Variants in MOV10 observed in about 807,000 individuals in gnomAD.
MOV10 encodes RNA helicase MOV-10.
A neutral mutation model predicts 108.4 loss-of-function variants in MOV10; 39 were observed. The observed-to-expected ratio is 0.36, with a 90% CI of 0.28 to 0.47. The LOEUF is 0.47. MOV10 is among the 20% of genes least tolerant of loss of function. The probability of loss-of-function intolerance (pLI) is 1.00; values close to 1 mark genes in which losing one functional copy is unlikely to be tolerated. For missense variants in MOV10, 952 were observed against 1,297.6 expected (o/e 0.73, Z 4.09); for synonymous variants, 490 against 523.1 (o/e 0.94, Z 0.86).
intron 2 of MOV10, among the ~76,000 whole-genome samples, chr1:112,683,530 G>T (rs1364447222): frequency 6.6e-6 from 1 of 152,018 alleles, no homozygotes; most frequent in South Asian, 2.1e-4. Flanking sequence ...GTAGAAACAG[G>T]GTCTTGCTAT....
rs1207023405 is a variant in MOV10, at chr1:112,696,882, A to G, written c.2198+36A>G. 4.0e-6 allele frequency: 6 copies of G among 1,509,924 alleles called. No homozygotes were observed. The Admixed American group carries it at 1.2e-4, about 29-fold the overall frequency. 93.5% of individuals were successfully genotyped at this position (1,509,924 alleles called of 1,614,324 possible). ...GCCCTTGCCTCCCCTGCCATATCCT[A>G]TGCTTTCACATCCTGCATGCAGACC... On this transcript the variant is annotated intron_variant, in intron 14 of 20. Transcript: ENST00000369645.
rs376170423 is a variant in MOV10 at position 112,699,914 on chromosome 1, C to T, written c.2730C>T (p.Thr910=). The T allele has an allele frequency of 5.0e-6, 8 of 1,614,076 alleles. No homozygotes were observed. The highest frequency in any genetic ancestry group is 6.8e-6 in the Non-Finnish European group (8 of 1,180,042). Residue 910 remains threonine, a synonymous_variant, in exon 19 of 21, where the codon ACC becomes ACT. Coordinates refer to ENST00000369645, the MANE Select transcript of MOV10 (RefSeq NM_001321324.2). ...KNPKRFNVAV[T]RAKALLIIVG... ...TCCAGAGGTTCAATGTAGCTGTGAC[C>T]CGGGCCAAGGCCCTGCTCATCATCG... is the stretch of plus-strand genomic sequence containing the variant.
At chr1:112,687,000 T>C (rs1345033007) in intron 2 of MOV10, 1 of 456,504 alleles carries the variant, frequency 2.2e-6, no homozygotes, top group South Asian at 1.5e-5. Context: ...CCAATCCTGA[T>C]GCCAGAGTGA....
chr1:112,689,519 A>G lies in MOV10; in HGVS notation c.446A>G (p.Glu149Gly), dbSNP rs1673382185. 6.2e-7 allele frequency: 1 copy of G among 1,614,006 alleles called. No homozygotes were observed. Among genetic ancestry groups the G allele is most frequent in the Non-Finnish European group, 8.5e-7 (1 of 1,180,028 alleles). The change falls in exon 4 of 21, where the codon GAG becomes GGG. Residue 149 changes from glutamate to glycine, a missense_variant. Around this residue, in one of 5 missense-constraint regions of MOV10, gnomAD observed 374 missense variants for 468.6 expected, o/e 0.80. Transcript: ENST00000369645. ...ATCCGCCTGGATTTGAACCGCAAAG[A>G]GGTGCTGACCCTGAGGCTTCGGAAT... ...LLIRLDLNRKEVLTLRLRNGG... is the reference protein window; with the variant it reads ...LLIRLDLNRKGVLTLRLRNGG...
intron 3 of MOV10, 25 bp from the exon 4 acceptor site, chr1:112,689,390 C>G (rs771037157): frequency 1.5e-6 from 2 of 1,341,452 alleles, no homozygotes; most frequent in Non-Finnish European, 2.1e-6. Context: ...CACCCCAACC[C>G]CCCCTTGACT....
At chr1:112,695,082 A>G (rs1673945433) in intron 10 of MOV10, among the ~76,000 whole-genome samples, 186 bp downstream of exon 10, 1 of 152,130 alleles carries the variant, frequency 6.6e-6, no homozygotes, top group African/African-American at 2.4e-5. Context: ...AGACTAGCCC[A>G]AGGAGTTCAA....
At chr1:112,696,123 C>G in intron 11 of MOV10, 25 bp from the exon 12 acceptor site, 1 of 1,525,404 alleles carries the variant, frequency 6.6e-7, no homozygotes, top group South Asian at 1.1e-5. Context: ...CAAGCTGATT[C>G]CTCTGGTCCC....
intron 2 of MOV10, chr1:112,688,578 T>C (rs1251260444): frequency 8.6e-7 from 1 of 1,165,382 alleles, no homozygotes; most frequent in East Asian, 5.2e-5. Flanking sequence ...TTGTATTTTC[T>C]TTTCTGTCCC....
At chr1:112,686,648 G>GGAATCTCAAACGCATCATATCC (rs1673101303) in intron 2 of MOV10, among the ~76,000 whole-genome samples, 1 of 152,120 alleles carries the variant, frequency 6.6e-6, no homozygotes, top group Non-Finnish European at 1.5e-5. Flanking sequence ...CTGGACCACA[G>GGAATCTCAAACGCATCATATCC]GAATCTCAAA....
At position 112,675,563 on chromosome 1, in the gene MOV10, A is replaced by T. The variant is rs765832834; in HGVS notation, c.137+514A>T. Among the ~76,000 whole-genome samples the T allele has an allele frequency of 1.4e-4, 22 of 152,226 alleles. No individual in the cohort carries two copies. The highest frequency in any genetic ancestry group is 2.8e-4 in the Non-Finnish European group (19 of 68,030). ...GAGAACTGAAGAGGCCCAGGGTAGA[A>T]GGGAGAAGCTCAGGAAGCTCTGGAA... On this transcript the variant is annotated intron_variant, in intron 2 of 20. Coordinates refer to ENST00000369645, the MANE Select transcript of MOV10 (RefSeq NM_001321324.2). The surrounding 1 kb of genome is among the most constrained non-coding windows in gnomAD (Gnocchi z 4.7).
At position 112,700,002 on chromosome 1, in the gene MOV10, T is replaced by C. The variant is rs1286501549; in HGVS notation, c.2798+20T>C. 1.9e-6 allele frequency: 3 copies of C among 1,613,654 alleles called. No homozygotes were observed. Among genetic ancestry groups the C allele is most frequent in the Non-Finnish European group, 2.5e-6 (3 of 1,179,782 alleles). On this transcript the variant is annotated intron_variant, in intron 19 of 20. Coordinates refer to ENST00000369645, the MANE Select transcript of MOV10 (RefSeq NM_001321324.2). ...GAAAGTGTGAGCATTCCCACCCCAT[T>C]CTCCCTCTTAGTGGCCACAGCCCCT...
At chr1:112,684,982 T>G (rs1672958679) in intron 2 of MOV10, 1 of 152,112 alleles carries the variant, frequency 6.6e-6, no homozygotes, top group Non-Finnish European at 1.5e-5. Flanking sequence ...TATATTACCT[T>G]TTGCTAGAGA....
At chr1:112,678,414 A>T (rs1270753845) in intron 2 of MOV10, among the ~76,000 whole-genome samples, 1 of 152,136 alleles carries the variant, frequency 6.6e-6, no homozygotes, top group Non-Finnish European at 1.5e-5. Flanking sequence ...CTAGAAATAT[A>T]CAAAAGGAAC....
rs770301887 is a variant in MOV10 at position 112,700,544 on chromosome 1, T to A, written c.*37T>A. On this transcript the variant is annotated 3_prime_UTR_variant, in exon 21 of 21. Transcript: ENST00000369645. Reference sequence around the variant, plus strand: ...CCAGCCTTCTCGCACCAGCCAAGCCTTAACTGCCTGCCTGACCCTGAACCA... The same window carrying A: ...CCAGCCTTCTCGCACCAGCCAAGCCATAACTGCCTGCCTGACCCTGAACCA... 6.2e-7 allele frequency: 1 copy of A among 1,608,772 alleles called. No homozygotes were observed. Among genetic ancestry groups the A allele is most frequent in the Non-Finnish European group, 8.5e-7 (1 of 1,177,230 alleles).
chr1:112,699,493 A>G (rs1352217588), intron 17 of MOV10, 192 bp from the exon 18 acceptor site: 11 of 1,434,258 alleles, frequency 7.7e-6, no homozygotes, highest in South Asian at 1.5e-5. Context: ...GCAGGATTCA[A>G]CCTTCATGTT....
chr1:112,697,184 A>C (rs975885455), intron 14 of MOV10, among the ~76,000 whole-genome samples: 3 of 152,166 alleles, frequency 2.0e-5, no homozygotes, highest in African/African-American at 7.2e-5. Flanking sequence ...GGTCGGGCAC[A>C]GTGGCTCATG....
rs1205013667 is a variant in MOV10 at position 112,693,778 on chromosome 1, A to AG, written c.1141-238dup. The AG allele has an allele frequency of 1.6e-5, 6 of 378,536 alleles. No homozygotes were observed. The East Asian group carries it at 2.7e-4, about 17-fold the overall frequency. 23.4% of individuals were successfully genotyped at this position (378,536 alleles called of 1,614,324 possible). ...CTGGCCAAGAGGGCAGCTGCACTGG[A>AG]GGCTCCGGGTTCCTGGGCTCGGCAT... On this transcript the variant is annotated intron_variant, in intron 7 of 20. Coordinates refer to ENST00000369645, the MANE Select transcript of MOV10 (RefSeq NM_001321324.2).
At chr1:112,692,089 G>GGACCA (rs1164084816) in intron 6 of MOV10, among the ~76,000 whole-genome samples, 1 of 152,206 alleles carries the variant, frequency 6.6e-6, no homozygotes, top group Non-Finnish European at 1.5e-5. Flanking sequence ...CAGCACTTTG[G>GGACCA]GAGGCCGAGG....
chr1:112,684,863 ATTGT>A (rs1361305748), intron 2 of MOV10, among the ~76,000 whole-genome samples: 2 of 152,074 alleles, frequency 1.3e-5, no homozygotes, highest in African/African-American at 4.8e-5. Flanking sequence ...TTTCTGTTGA[ATTGT>A]TCATCTTGTC....
Sources: gnomAD v4.1 joint callset for allele counts (sites outside exome capture counted in the v4.1 genomes callset) on GRCh38, gnomAD v4.1.1 for gene constraint, gnomAD v4.1.1 regional missense constraint, Gnocchi (gnomAD v3.1) non-coding constraint, MANE v1.5 for transcripts, NCBI Gene and HGNC (gene_info 2026-07-23, HGNC 2026-07-21) for gene names.